The following PSMC2 variants were observed in gnomAD, a reference collection of about 807,000 sequenced individuals.
PSMC2 encodes 26S proteasome regulatory subunit 7.
In PSMC2, 7 loss-of-function variants were observed where a neutral mutation model predicts 53.3. That is an observed-to-expected ratio of 0.13 (90% confidence interval 0.07 to 0.25). The LOEUF (loss-of-function observed/expected upper bound fraction) is 0.25, where lower values mean the gene tolerates loss of function less well. Among genes scored for constraint, PSMC2 ranks in the 10% least tolerant of loss-of-function variants. PSMC2 has a pLI of 1.00. For synonymous variants in PSMC2, 169 were observed against 183.9 expected (o/e 0.92, Z 0.66); for missense variants, 241 against 544.0 (o/e 0.44, Z 5.54).
chr7:103,347,555 G>C, upstream of PSMC2: 1 of 743,220 alleles, frequency 1.3e-6, no homozygotes, highest in South Asian at 1.7e-5. Context: ...GTGCCAAAGC[G>C]TTTCCCCAGG....
intron 1 of PSMC2, among the ~76,000 whole-genome samples, chr7:103,348,031 C>T (rs768058052): frequency 1.7e-4 from 26 of 152,174 alleles, no homozygotes; most frequent in Non-Finnish European, 3.7e-4. Context: ...GAAGAAGTCA[C>T]GCACCCTGCT....
rs756049911 is a variant in PSMC2, at chr7:103,354,855, C to T, written c.109-13C>T. 9.5e-6 allele frequency: 15 copies of T among 1,583,412 alleles called. No homozygotes were observed. The highest frequency in any genetic ancestry group is 1.4e-5 in the African/African-American group (1 of 74,068). On this transcript the variant is annotated splice_polypyrimidine_tract_variant and intron_variant, in intron 2 of 11. Coordinates refer to ENST00000292644, the MANE Select transcript of PSMC2 (RefSeq NM_002803.4). Reference sequence around the variant, plus strand: ...ATCCTGATATTCTAACTAAACTGACCTTCATCACCTAGGGTCAGAGCACTT... The same window carrying T: ...ATCCTGATATTCTAACTAAACTGACTTTCATCACCTAGGGTCAGAGCACTT...
In PSMC2 at chr7:103,347,707, C is replaced by A. The variant is rs768342722; in HGVS notation, c.-5C>A. On this transcript the variant is annotated 5_prime_UTR_variant, in exon 1 of 12. Coordinates refer to ENST00000292644, the MANE Select transcript of PSMC2 (RefSeq NM_002803.4). ...TAAGGAGCGGAGGCTTTTGGAGCTG[C>A]TAAAATGCCGGATTACCTCGGTGCC... is the stretch of plus-strand genomic sequence containing the variant. 21 of 1,613,916 alleles carry A rather than the reference C, an allele frequency of 1.3e-5. No individual in the cohort carries two copies. Among genetic ancestry groups the A allele is most frequent in the Non-Finnish European group, 1.7e-5 (20 of 1,179,874 alleles).
intron 9 of PSMC2, 134 bp downstream of exon 9, chr7:103,366,297 CA>C: frequency 2.7e-6 from 2 of 733,198 alleles, no homozygotes; most frequent in Non-Finnish European, 4.6e-6. Context: ...AGTGGCGCCA[CA>C]GATCTAATAA....
At chr7:103,365,518 C>G (rs189309994) in intron 8 of PSMC2, among the ~76,000 whole-genome samples, 1 of 152,038 alleles carries the variant, frequency 6.6e-6, no homozygotes, top group African/African-American at 2.4e-5. Context: ...AATCCCAGCT[C>G]CTCGGGAGGC....
intron 2 of PSMC2, among the ~76,000 whole-genome samples, chr7:103,354,391 G>C (rs946478614): frequency 7.2e-6 from 1 of 139,360 alleles, no homozygotes; most frequent in Non-Finnish European, 1.5e-5. Flanking sequence ...TTTTTGAAAC[G>C]GAGTGTTGCT....
rs777085788 is a variant in PSMC2, at chr7:103,368,097, A to G, written c.*43A>G. The G allele has an allele frequency of 1.9e-6, 3 of 1,542,704 alleles. No individual in the cohort carries two copies. Among genetic ancestry groups the G allele is most frequent in the Non-Finnish European group, 2.6e-6 (3 of 1,135,868 alleles). On this transcript the variant is annotated 3_prime_UTR_variant, in exon 12 of 12. Transcript: ENST00000292644. Reference sequence around the variant, plus strand: ...GTGAAAACTTTAAATTGGAATCCTAACCTTATATAGACTTGTTAATAACCA... The same window carrying G: ...GTGAAAACTTTAAATTGGAATCCTAGCCTTATATAGACTTGTTAATAACCA...
chr7:103,349,716 C>T (rs987001243), intron 1 of PSMC2, among the ~76,000 whole-genome samples: 1 of 152,190 alleles, frequency 6.6e-6, no homozygotes, highest in Non-Finnish European at 1.5e-5. Context: ...TCCCAAAATG[C>T]TGGGATTACA....
In PSMC2 at chr7:103,355,677, C is replaced by T; in HGVS notation, c.191-17C>T. On this transcript the variant is annotated splice_polypyrimidine_tract_variant and intron_variant, in intron 3 of 11. Transcript: ENST00000292644. ...TGCATTACATTTTAGTAAATTTTGT[C>T]ATCTTTCTCTATGTAGGTATTAAAG... 3.8e-6 allele frequency: 6 copies of T among 1,592,082 alleles called. No individual in the cohort carries two copies. The highest frequency in any genetic ancestry group is 5.2e-6 in the Non-Finnish European group (6 of 1,160,530).
In PSMC2 at chr7:103,367,971, A is replaced by G. The variant is rs1820806201; in HGVS notation, c.1219A>G (p.Lys407Glu). 2 of 1,613,988 alleles carry G rather than the reference A, an allele frequency of 1.2e-6. No homozygotes were observed. The change falls in exon 12 of 12, where the codon AAG becomes GAG. Residue 407 changes from lysine to glutamate, a missense_variant. Around this residue, in one of 6 missense-constraint regions of PSMC2, gnomAD observed 60 missense variants for 115.8 expected, o/e 0.52. Coordinates refer to ENST00000292644, the MANE Select transcript of PSMC2 (RefSeq NM_002803.4). This position sits in a 1 kb window ranked among gnomAD's most constrained non-coding sequence, Gnocchi z 6.1. ...IRARRKIATEKDFLEAVNKVI... is the reference protein window; with the variant it reads ...IRARRKIATEEDFLEAVNKVI... Reference sequence around the variant, plus strand: ...AGCACGGCGAAAAATTGCTACCGAGAAGGATTTCTTGGAAGCTGTAAATAA... The same window carrying G: ...AGCACGGCGAAAAATTGCTACCGAGGAGGATTTCTTGGAAGCTGTAAATAA...
At position 103,367,681 on chromosome 7, in the gene PSMC2, A is replaced by G; in HGVS notation, c.1048-32A>G. On this transcript the variant is annotated intron_variant, in intron 10 of 11. Coordinates refer to ENST00000292644, the MANE Select transcript of PSMC2 (RefSeq NM_002803.4). This position sits in a 1 kb window ranked among gnomAD's most constrained non-coding sequence, Gnocchi z 6.1. ...TTTTTTCTTCCTGTGATTTTTTTCC[A>G]TTTTAATATTTGTCAATTTTCTCAT... is the stretch of plus-strand genomic sequence containing the variant. 6.2e-7 allele frequency: 1 copy of G among 1,607,928 alleles called. No homozygotes were observed. Among genetic ancestry groups the G allele is most frequent in the Non-Finnish European group, 8.5e-7 (1 of 1,177,690 alleles).
rs1820754318 is a variant in PSMC2 at position 103,367,030 on chromosome 7, C to T, written c.845-383C>T. Among the ~76,000 whole-genome samples, 1 of 152,262 alleles carries T rather than the reference C, an allele frequency of 6.6e-6. No homozygotes were observed. Among genetic ancestry groups the T allele is most frequent in the East Asian group, 1.9e-4 (1 of 5,180 alleles). On this transcript the variant is annotated intron_variant, in intron 9 of 11. Coordinates refer to ENST00000292644, the MANE Select transcript of PSMC2 (RefSeq NM_002803.4). This position sits in a 1 kb window ranked among gnomAD's most constrained non-coding sequence, Gnocchi z 6.1. ...ATGTTGGCCAGGCTGGTCTCGAACT[C>T]CTGAGGACAAGTTATTTTAACTAAT...
At chr7:103,352,406 TC>T (rs1453612910) in intron 1 of PSMC2, among the ~76,000 whole-genome samples, 4 of 142,996 alleles carry the variant, frequency 2.8e-5, no homozygotes, top group African/African-American at 7.9e-5. Flanking sequence ...TAGATTATAA[TC>T]TTTTTTTTTT....
Position 103,366,182 on chromosome 7 carries a change from A to C in PSMC2, c.844+19A>C, listed in dbSNP as rs1393635752. Reference sequence around the variant, plus strand: ...ATTGGAGGTGAGAATGATACGTTAGAGAACTGCTTTAGGATTCAGTTTCAT... The same window carrying C: ...ATTGGAGGTGAGAATGATACGTTAGCGAACTGCTTTAGGATTCAGTTTCAT... On this transcript the variant is annotated intron_variant, in intron 9 of 11. Coordinates refer to ENST00000292644, the MANE Select transcript of PSMC2 (RefSeq NM_002803.4). The C allele has an allele frequency of 2.5e-6, 4 of 1,579,604 alleles. No individual in the cohort carries two copies. In the South Asian group the frequency reaches 4.4e-5, roughly 18 times the overall value.
At chr7:103,359,287 C>T (rs1476445908) in intron 4 of PSMC2, among the ~76,000 whole-genome samples, 1 of 151,458 alleles carries the variant, frequency 6.6e-6, no homozygotes, top group Non-Finnish European at 1.5e-5. Context: ...TGTGAGCCAC[C>T]GTGCCCAGCC....
At chr7:103,351,666 T>A (rs1819741940) in intron 1 of PSMC2, among the ~76,000 whole-genome samples, 1 of 152,180 alleles carries the variant, frequency 6.6e-6, no homozygotes. Flanking sequence ...GAACCAACCT[T>A]ATAAGCAGGC....
At chr7:103,364,954 C>CGTACATATATAT (rs1486934625) in intron 8 of PSMC2, among the ~76,000 whole-genome samples, 1 of 38,962 alleles carries the variant, frequency 2.6e-5, no homozygotes, top group Non-Finnish European at 4.5e-5. Context: ...TGTTTGTAGA[C>CGTACATATATAT]ATACATATAT....
At chr7:103,352,656 C>T (rs752345784) in intron 1 of PSMC2, 2 of 529,770 alleles carry the variant, frequency 3.8e-6, no homozygotes, top group South Asian at 2.0e-5. Context: ...CCGCCTGTCT[C>T]GGCCTGGGAT....
Position 103,349,795 on chromosome 7 carries a change from C to T in PSMC2, c.70+2014C>T, listed in dbSNP as rs569327542. The stretch of plus-strand genomic sequence containing the variant: ...TAAGCTTTCCGATCTCAACTTGGTC[C>T]TAATTGCAGTTAACTTTTTGTGAAT... On this transcript the variant is annotated intron_variant, in intron 1 of 11. Coordinates refer to ENST00000292644, the MANE Select transcript of PSMC2 (RefSeq NM_002803.4). Among the ~76,000 whole-genome samples the T allele has an allele frequency of 2.0e-5, 3 of 152,258 alleles. No homozygotes were observed. The South Asian group carries it at 6.2e-4, about 32-fold the overall frequency.
Sources: gnomAD v4.1 joint callset for allele counts (sites outside exome capture counted in the v4.1 genomes callset) on GRCh38, gnomAD v4.1.1 for gene constraint, gnomAD v4.1.1 regional missense constraint, Gnocchi (gnomAD v3.1) non-coding constraint, MANE v1.5 for transcripts, NCBI Gene and HGNC (gene_info 2026-07-23, HGNC 2026-07-21) for gene names.